Variants in ZNF587B observed in about 807,000 individuals in gnomAD.
The protein encoded by ZNF587B is zinc finger protein 587B.
A neutral mutation model predicts 7.2 loss-of-function variants in ZNF587B; 6 were observed. The ratio of observed to expected loss-of-function variants is 0.83; its 90% CI spans 0.46 to 1.65. The LOEUF (loss-of-function observed/expected upper bound fraction) is 1.65, where lower values mean the gene tolerates loss of function less well. ZNF587B is among the 40% of genes most tolerant of loss of function. ZNF587B has a pLI of 0.01. For missense variants in ZNF587B, 749 were observed against 761.0 expected (o/e 0.98, Z 0.19); for synonymous variants, 274 against 254.3 (o/e 1.08, Z -0.74).
In ZNF587B at chr19:57,841,728, A is replaced by C. The variant is rs1250437736; in HGVS notation, c.1054A>C (p.Arg352=). ...KSHQRIHTGE[R]PYKCGECEKS... is the part of the protein sequence containing the mutation. Reference sequence around the variant, plus strand: ...TCATCAGCGCATTCACACTGGAGAGAGACCTTACAAGTGTGGAGAATGTGA... The same window carrying C: ...TCATCAGCGCATTCACACTGGAGAGCGACCTTACAAGTGTGGAGAATGTGA... Residue 352 remains arginine, a synonymous_variant, in exon 3 of 3, where the codon AGA becomes CGA. Transcript: ENST00000594901. 2 of 1,608,092 alleles carry C rather than the reference A, an allele frequency of 1.2e-6. No individual in the cohort carries two copies. The highest frequency in any genetic ancestry group is 2.2e-5 in the South Asian group (2 of 90,532).
chr19:57,830,315 A>G lies in ZNF587B; in HGVS notation c.-214A>G. The stretch of plus-strand genomic sequence containing the variant: ...GGCCATTTTGATTGGTGTTGGGTTT[A>G]TTTGTCGGAGAGGCTCCTGAGCGCT... On this transcript the variant is annotated 5_prime_UTR_variant, in exon 1 of 3. Transcript: ENST00000594901. 2 of 526,096 alleles carry G rather than the reference A, an allele frequency of 3.8e-6. No individual in the cohort carries two copies. The highest frequency in any genetic ancestry group is 1.9e-5 in the African/African-American group (1 of 51,678). The allele number at this position is 526,096 out of a possible 1,614,324, so 32.6% of individuals were successfully genotyped here. A position where few individuals can be genotyped will look rare whatever the true frequency, so the allele number is the denominator to read the frequency against.
chr19:57,830,634 A>G (rs1237876582), intron 1 of ZNF587B, 70 bp downstream of exon 1: 3 of 1,518,370 alleles, frequency 2.0e-6, no homozygotes, highest in Non-Finnish European at 2.7e-6. Context: ...CTTGCAAGGA[A>G]GAGTCTTTAA....
At chr19:57,836,421 G>A (rs144329132) in intron 1 of ZNF587B, among the ~76,000 whole-genome samples, 47 of 152,324 alleles carry the variant, frequency 3.1e-4, no homozygotes, top group Middle Eastern at 3.4e-3. Context: ...GGCCCAGTGT[G>A]ATTTGCCACC....
In ZNF587B at chr19:57,841,533, C is replaced by G; in HGVS notation, c.859C>G (p.Gln287Glu). ...KSFSQKSSLI[Q>E]HQQFHTGGKP... is the part of the protein sequence containing the mutation. ...TTTTAGTCAAAAGAGCAGCCTCATT[C>G]AACATCAGCAATTTCACACTGGAGG... is the stretch of plus-strand genomic sequence containing the variant. Residue 287 changes from glutamine to glutamate, a missense_variant, in exon 3 of 3, where the codon CAA becomes GAA. Physicochemically the swap from Gln to Glu is conservative, Grantham distance 29. This residue lies in a region of ZNF587B where 656 missense variants were observed against 596.5 expected (regional missense o/e 1.10). Coordinates refer to ENST00000594901, the MANE Select transcript of ZNF587B (RefSeq NM_001376223.1). 1 of 1,581,700 alleles carries G rather than the reference C, an allele frequency of 6.3e-7. No individual in the cohort carries two copies. Among genetic ancestry groups the G allele is most frequent in the Non-Finnish European group, 8.6e-7 (1 of 1,163,288 alleles).
In ZNF587B at chr19:57,844,334, C is replaced by A; in HGVS notation, c.*1758C>A. ...CCTGGGCAATATAGTGAAATCCTGT[C>A]TCTTCTAAAAATATAAAAATTAGCC... On this transcript the variant is annotated 3_prime_UTR_variant, in exon 3 of 3. Transcript: ENST00000594901. 1 of 315,898 alleles carries A rather than the reference C, an allele frequency of 3.2e-6. No individual in the cohort carries two copies. The allele number at this position is 315,898 out of a possible 1,614,324, so 19.6% of individuals were successfully genotyped here.
Position 57,842,342 on chromosome 19 carries a change from G to C in ZNF587B, c.1668G>C (p.Gly556=). 1.2e-6 allele frequency: 2 copies of C among 1,606,854 alleles called. No homozygotes were observed. The highest frequency in any genetic ancestry group is 1.7e-6 in the Non-Finnish European group (2 of 1,176,604). Residue 556 remains glycine (G), a synonymous_variant, in exon 3 of 3, where the codon GGG becomes GGC. Transcript: ENST00000594901. ...GQKPYECSEC[G]KSFAASSYLT... ...AGCCTTATGAGTGCAGTGAATGTGG[G>C]AAATCTTTTGCTGCAAGCTCCTATC...
Position 57,843,013 on chromosome 19 carries a change from G to C in ZNF587B, c.*437G>C. The C allele has an allele frequency of 1.0e-6, 1 of 976,968 alleles. No individual in the cohort carries two copies. Among genetic ancestry groups the C allele is most frequent in the Non-Finnish European group, 1.2e-6 (1 of 822,536 alleles). The allele number at this position is 976,968 out of a possible 1,614,324, so 60.5% of individuals were successfully genotyped here. A position where few individuals can be genotyped will look rare whatever the true frequency, so the allele number is the denominator to read the frequency against. ...AATGTTATTATTTTTTCCTTTTTTT[G>C]GAGAGACGGTCTCACTCCATCACCC... is the stretch of plus-strand genomic sequence containing the variant. On this transcript the variant is annotated 3_prime_UTR_variant, in exon 3 of 3. Coordinates refer to ENST00000594901, the MANE Select transcript of ZNF587B (RefSeq NM_001376223.1).
At chr19:57,837,512 T>A (rs1439792047) in intron 1 of ZNF587B, among the ~76,000 whole-genome samples, 1 of 151,186 alleles carries the variant, frequency 6.6e-6, no homozygotes, top group Non-Finnish European at 1.5e-5. Flanking sequence ...GCAGTGGTGC[T>A]ATTTCGGCTC....
chr19:57,837,805 A>G (rs1988680108), intron 1 of ZNF587B, among the ~76,000 whole-genome samples: 1 of 151,562 alleles, frequency 6.6e-6, no homozygotes, highest in African/African-American at 2.4e-5. Flanking sequence ...GGCTGGTCTC[A>G]AACTCCTGAC....
In ZNF587B at chr19:57,830,411, G is replaced by A; in HGVS notation, c.-118G>A. The A allele has an allele frequency of 9.0e-7, 1 of 1,107,470 alleles. No individual in the cohort carries two copies. The highest frequency in any genetic ancestry group is 1.3e-6 in the Non-Finnish European group (1 of 763,452). 68.6% of individuals were successfully genotyped at this position (1,107,470 alleles called of 1,614,324 possible). On this transcript the variant is annotated 5_prime_UTR_variant, in exon 1 of 3. Transcript: ENST00000594901. ...TCCTCTGCTGCACAGAGGCGACTCT[G>A]GAGCTCTGTGACGGCGCCAAGCGTG...
intron 1 of ZNF587B, among the ~76,000 whole-genome samples, chr19:57,836,938 G>A (rs1342320435): frequency 6.7e-6 from 1 of 148,202 alleles, no homozygotes; most frequent in East Asian, 2.0e-4. Context: ...GCTCCAGCCT[G>A]GGTGACAGTG....
At chr19:57,839,823 G>A (rs981710698) in intron 2 of ZNF587B, among the ~76,000 whole-genome samples, 3 of 152,140 alleles carry the variant, frequency 2.0e-5, no homozygotes, top group Admixed American at 6.5e-5. Context: ...GCTCGCTCCT[G>A]TAATCCCAGC....
Position 57,842,661 on chromosome 19 carries a change from G to A in ZNF587B, c.*85G>A. 7.4e-7 allele frequency: 1 copy of A among 1,349,366 alleles called. No homozygotes were observed. Among genetic ancestry groups the A allele is most frequent in the Non-Finnish European group, 9.5e-7 (1 of 1,054,488 alleles). 83.6% of individuals were successfully genotyped at this position (1,349,366 alleles called of 1,614,324 possible). On this transcript the variant is annotated 3_prime_UTR_variant, in exon 3 of 3. Coordinates refer to ENST00000594901, the MANE Select transcript of ZNF587B (RefSeq NM_001376223.1). Reference sequence around the variant, plus strand: ...TGTGATTGCAGCAAATGTGGAAAATGTTTACCCAAAAGAAGTCTGCTCTCC... The same window carrying A: ...TGTGATTGCAGCAAATGTGGAAAATATTTACCCAAAAGAAGTCTGCTCTCC...
rs1988880865 is a variant in ZNF587B, at chr19:57,842,059, G to A, written c.1385G>A (p.Arg462Lys). The A allele has an allele frequency of 1.3e-6, 2 of 1,589,394 alleles. No homozygotes were observed. The highest frequency in any genetic ancestry group is 1.7e-6 in the Non-Finnish European group (2 of 1,167,634). The change falls in exon 3 of 3, where the codon AGA (arginine) becomes AAA (lysine). Residue 462 changes from arginine to lysine, a missense_variant. Around this residue, in one of 3 missense-constraint regions of ZNF587B, gnomAD observed 656 missense variants for 596.5 expected, o/e 1.10. Coordinates refer to ENST00000594901, the MANE Select transcript of ZNF587B (RefSeq NM_001376223.1). ...NLILHQHGHTRKRPYMCWECG... is the reference protein window; with the variant it reads ...NLILHQHGHTKKRPYMCWECG... Reference sequence around the variant, plus strand: ...ATTCTACACCAGCATGGCCATACTAGAAAAAGGCCTTATATGTGTTGGGAA... The same window carrying A: ...ATTCTACACCAGCATGGCCATACTAAAAAAAGGCCTTATATGTGTTGGGAA...
chr19:57,835,447 C>T, intron 1 of ZNF587B, among the ~76,000 whole-genome samples: 1 of 125,956 alleles, frequency 7.9e-6, no homozygotes, highest in South Asian at 2.8e-4. Flanking sequence ...ACCTCTGCCT[C>T]CCAGGTTCAA....
chr19:57,841,409 T>G lies in ZNF587B; in HGVS notation c.735T>G (p.Cys245Trp). ...LLPREECYVCCECGKSFSKYV... is the reference protein window; with the variant it reads ...LLPREECYVCWECGKSFSKYV... ...CTCGAGAAGAATGTTATGTGTGCTG[T>G]GAATGTGGGAAATCCTTTAGCAAAT... Residue 245 changes from cysteine (C) to tryptophan (W), a missense_variant, in exon 3 of 3, where the codon TGT becomes TGG. Transcript: ENST00000594901. The G allele has an allele frequency of 6.3e-7, 1 of 1,585,304 alleles. No homozygotes were observed. The highest frequency in any genetic ancestry group is 8.6e-7 in the Non-Finnish European group (1 of 1,164,890).
Position 57,842,321 on chromosome 19 carries a change from T to G in ZNF587B, c.1647T>G (p.Pro549=). 1 of 1,609,070 alleles carries G rather than the reference T, an allele frequency of 6.2e-7. No individual in the cohort carries two copies. Among genetic ancestry groups the G allele is most frequent in the Non-Finnish European group, 8.5e-7 (1 of 1,177,790 alleles). Residue 549 remains proline (P), a synonymous_variant, in exon 3 of 3, where the codon CCT becomes CCG. Transcript: ENST00000594901. The part of the protein sequence containing the change: ...VHKRVHTGQK[P]YECSECGKSF... ...AGAGAGTTCACACTGGTCAGAAGCC[T>G]TATGAGTGCAGTGAATGTGGGAAAT...
chr19:57,844,146 A>C lies in ZNF587B; in HGVS notation c.*1570A>C, dbSNP rs1988984492. ...TCTTGCTTTTTCATTTCTTTCTGAT[A>C]AGTTACACCATGGACCTTCCCCATT... On this transcript the variant is annotated 3_prime_UTR_variant, in exon 3 of 3. Coordinates refer to ENST00000594901, the MANE Select transcript of ZNF587B (RefSeq NM_001376223.1). 3.2e-6 allele frequency: 1 copy of C among 310,336 alleles called. No homozygotes were observed. Among genetic ancestry groups the C allele is most frequent in the Admixed American group, 4.6e-5 (1 of 21,960 alleles). 19.2% of individuals were successfully genotyped at this position (310,336 alleles called of 1,614,324 possible).
At position 57,831,828 on chromosome 19, in the gene ZNF587B, C is replaced by T. The variant is rs113781005; in HGVS notation, c.36+1264C>T. On this transcript the variant is annotated intron_variant, in intron 1 of 2. Coordinates refer to ENST00000594901, the MANE Select transcript of ZNF587B (RefSeq NM_001376223.1). ...CAAGCGATTCTCCTGCTTCAGCCTC[C>T]CAAGTAGCTGGGATTACAGACACCC... 5.1e-3 allele frequency among the ~76,000 whole-genome samples: 773 copies of T among 151,982 alleles called. 10 individuals are homozygous for T. The highest frequency in any genetic ancestry group is 0.018 in the African/African-American group (732 of 41,440).
Sources: allele counts gnomAD v4.1 joint callset (sites outside exome capture counted in the v4.1 genomes callset), GRCh38; gene constraint gnomAD v4.1.1; regional missense constraint gnomAD v4.1.1; transcripts MANE v1.5; gene names NCBI Gene and HGNC (gene_info 2026-07-23, HGNC 2026-07-21).